The following ATAD2 variants were observed in gnomAD, a reference collection of about 807,000 sequenced individuals.
ATAD2 encodes ATPase family AAA domain-containing protein 2.
A neutral mutation model predicts 168.9 loss-of-function variants in ATAD2; 62 were observed. The observed-to-expected ratio is 0.37, with a 90% confidence interval of 0.30 to 0.45. ATAD2 has a LOEUF of 0.45. ATAD2 is among the 20% of genes least tolerant of loss of function. The pLI, the probability that ATAD2 is intolerant of heterozygous loss-of-function variation, is 1.00. For missense variants in ATAD2, 1,419 were observed against 1,667.8 expected, an observed-to-expected ratio of 0.85 and a Z score of 2.60; for synonymous variants, 613 against 571.6, an observed-to-expected ratio of 1.07 and a Z score of -1.03.
intron 1 of ATAD2, among the ~76,000 whole-genome samples, chr8:123,412,146 C>A (rs1359116980): frequency 6.6e-6 from 1 of 152,180 alleles, no homozygotes. Flanking sequence ...GGGCATCACT[C>A]TAGATATGGC....
Position 123,372,687 on chromosome 8 carries a change from C to T in ATAD2, c.321-1G>A. The T allele has an allele frequency of 6.3e-7, 1 of 1,576,772 alleles. No homozygotes were observed. On this transcript the variant is annotated splice_acceptor_variant, in intron 2 of 27. Transcript: ENST00000287394. LOFTEE classifies it high-confidence loss of function. ...ATCAGCCTGCTGTCTGGCCAACTGC[C>T]TATATTTTAAAAAATTAGATTAATT...
chr8:123,356,875 A>C (rs948692141), intron 12 of ATAD2, among the ~76,000 whole-genome samples: 24 of 152,144 alleles, frequency 1.6e-4, no homozygotes, highest in African/African-American at 5.8e-4. Flanking sequence ...ATATGGTTTA[A>C]TTTTCAATTG....
At chr8:123,322,121 A>G (rs752556007) in intron 27 of ATAD2, among the ~76,000 whole-genome samples, 2 of 151,438 alleles carry the variant, frequency 1.3e-5, no homozygotes, top group Non-Finnish European at 2.9e-5. Flanking sequence ...CCGAGTAGCT[A>G]GGACTATGGG....
intron 20 of ATAD2, among the ~76,000 whole-genome samples, chr8:123,338,937 G>C (rs1387568768): frequency 6.6e-6 from 1 of 151,986 alleles, no homozygotes; most frequent in East Asian, 1.9e-4. Context: ...GACAGAGATG[G>C]GGGATAGAGA....
chr8:123,335,942 C>T (rs1381807714), intron 22 of ATAD2, among the ~76,000 whole-genome samples: 1 of 152,048 alleles, frequency 6.6e-6, no homozygotes, highest in Non-Finnish European at 1.5e-5. Flanking sequence ...AAAAATATTA[C>T]TACTAGTAAG....
chr8:123,346,843 T>C, intron 16 of ATAD2, 93 bp from the exon 17 acceptor site: 1 of 1,341,276 alleles, frequency 7.5e-7, no homozygotes, highest in Non-Finnish European at 1.0e-6. Flanking sequence ...TTCAATTAAA[T>C]TTTTTCAAAG....
chr8:123,333,843 A>G (rs1483237542), intron 24 of ATAD2, 35 bp downstream of exon 24: 1 of 1,556,874 alleles, frequency 6.4e-7, no homozygotes, highest in Non-Finnish European at 8.7e-7. Flanking sequence ...GAATAAAGTT[A>G]TAATTTCATA....
intron 15 of ATAD2, among the ~76,000 whole-genome samples, chr8:123,347,875 CTTA>C (rs1828303723): frequency 6.6e-6 from 1 of 151,988 alleles, no homozygotes; most frequent in African/African-American, 2.4e-5. Flanking sequence ...TAGCTATTAT[CTTA>C]TTATGATATA....
intron 18 of ATAD2, among the ~76,000 whole-genome samples, chr8:123,345,633 G>A (rs1480589495): frequency 6.6e-6 from 1 of 152,138 alleles, no homozygotes; most frequent in Non-Finnish European, 1.5e-5. Context: ...AGGGAGCCAG[G>A]ATCGTGCCAC....
chr8:123,367,731 C>T (rs1204772296), intron 8 of ATAD2, among the ~76,000 whole-genome samples: 1 of 152,158 alleles, frequency 6.6e-6, no homozygotes, highest in Non-Finnish European at 1.5e-5. Context: ...GATCCTCCAT[C>T]CTTCTGGACC....
chr8:123,369,009 A>C, intron 8 of ATAD2, 49 bp downstream of exon 8: 1 of 1,171,356 alleles, frequency 8.5e-7, no homozygotes. Flanking sequence ...CAGCCCTAAC[A>C]TAAAAACAAT....
At chr8:123,380,945 T>A (rs1829477060) in intron 1 of ATAD2, 1 of 367,088 alleles carries the variant, frequency 2.7e-6, no homozygotes, top group Admixed American at 4.4e-5. Context: ...TAAAAAGTAG[T>A]CTAGAGAGTG....
At chr8:123,359,038 C>A (rs922690412) in intron 11 of ATAD2, among the ~76,000 whole-genome samples, 183 bp downstream of exon 11, 5 of 151,912 alleles carry the variant, frequency 3.3e-5, no homozygotes, top group Non-Finnish European at 7.4e-5. Flanking sequence ...GGAAAGCTTA[C>A]TAATTTTTAA....
intron 25 of ATAD2, 111 bp from the exon 26 acceptor site, chr8:123,326,137 A>G (rs1827609531): frequency 2.8e-5 from 33 of 1,173,210 alleles, no homozygotes; most frequent in Non-Finnish European, 3.5e-5. Context: ...GGACATAAAC[A>G]GCAATTCTGG....
At chr8:123,407,197 A>G (rs1343591061) in intron 1 of ATAD2, among the ~76,000 whole-genome samples, 1 of 152,244 alleles carries the variant, frequency 6.6e-6, no homozygotes. Context: ...TCCAGAAAGA[A>G]TCAACCTGGC....
upstream of ATAD2, chr8:123,401,047 G>A (rs748202529): frequency 3.2e-5 from 51 of 1,571,448 alleles, no homozygotes; most frequent in Middle Eastern, 2.5e-3. Context: ...GGTGGGCATC[G>A]TCACTTCCCG....
intron 12 of ATAD2, among the ~76,000 whole-genome samples, chr8:123,356,794 T>C (rs924364541): frequency 1.3e-5 from 2 of 151,808 alleles, no homozygotes; most frequent in African/African-American, 2.4e-5. Context: ...TTTATAACTA[T>C]TTATAATTTA....
At chr8:123,350,893 T>G (rs1255778521) in intron 13 of ATAD2, among the ~76,000 whole-genome samples, 1 of 151,624 alleles carries the variant, frequency 6.6e-6, no homozygotes, top group Admixed American at 6.6e-5. Context: ...CCTGGCTAAT[T>G]TTTTTGTATT....
intron 4 of ATAD2, 112 bp downstream of exon 4, chr8:123,371,558 G>A (rs989349154): frequency 8.3e-6 from 8 of 966,078 alleles, no homozygotes; most frequent in Non-Finnish European, 1.2e-5. Context: ...TCTCCTGTAC[G>A]CTTTACGTAG....
Sources: gnomAD v4.1 joint callset for allele counts (sites outside exome capture counted in the v4.1 genomes callset) on GRCh38, gnomAD v4.1.1 for gene constraint, MANE v1.5 for transcripts, NCBI Gene and HGNC (gene_info 2026-07-23, HGNC 2026-07-21) for gene names.